PM20D1: variants seen among roughly 807,000 people sequenced by gnomAD.
The protein encoded by PM20D1 is peptidase M20 domain containing 1, also known as N-fatty-acyl-amino acid synthase/hydrolase PM20D1.
Under a neutral mutation model 53.8 loss-of-function variants are expected in PM20D1, and 53 were observed. The ratio of observed to expected loss-of-function variants is 0.98; its 90% CI spans 0.79 to 1.24. The LOEUF is 1.24. PM20D1 is among the 50% of genes most tolerant of loss of function. PM20D1 has a pLI of 0.00. For synonymous variants in PM20D1, 239 were observed against 241.3 expected, an observed-to-expected ratio of 0.99 and a Z score of 0.09; for missense variants, 564 against 616.8, an observed-to-expected ratio of 0.91 and a Z score of 0.91.
rs762592892 is a variant in PM20D1, at chr1:205,844,134, G to GC, written c.659dup (p.Phe221LeufsTer5). On this transcript the variant is annotated frameshift_variant, in exon 5 of 13. Transcript: ENST00000367136. LOFTEE classifies it high-confidence loss of function. ...TAGGAATGAAATCATCCAAGATGAA[G>GC]CCCCCCTCGTCCACAATGAAGGCTA... The GC allele has an allele frequency of 1.2e-5, 20 of 1,613,822 alleles. No individual in the cohort carries two copies. The highest frequency in any genetic ancestry group is 2.2e-5 in the East Asian group (1 of 44,882).
chr1:205,835,267 G>A (rs1656658206), intron 10 of PM20D1, among the ~76,000 whole-genome samples: 1 of 152,172 alleles, frequency 6.6e-6, no homozygotes, highest in South Asian at 2.1e-4. Context: ...CAAAAATTGA[G>A]ATGTGACAAC....
chr1:205,844,693 T>G, intron 4 of PM20D1, 118 bp downstream of exon 4: 1 of 855,532 alleles, frequency 1.2e-6, no homozygotes, highest in Non-Finnish European at 1.8e-6. Context: ...ACGGAGAAGT[T>G]GGCAAACTAC....
intron 1 of PM20D1, among the ~76,000 whole-genome samples, chr1:205,848,388 G>T (rs1410236420): frequency 6.6e-6 from 1 of 152,194 alleles, no homozygotes; most frequent in Non-Finnish European, 1.5e-5. Flanking sequence ...GGCACCCACT[G>T]TCCTGGGTCC....
intron 12 of PM20D1, among the ~76,000 whole-genome samples, chr1:205,829,404 G>T (rs823083): frequency 6.6e-6 from 1 of 151,792 alleles, no homozygotes; most frequent in Non-Finnish European, 1.5e-5. Context: ...GTCTCCTACT[G>T]TCCCACTTAC....
At chr1:205,831,854 G>A (rs973627673) in intron 11 of PM20D1, among the ~76,000 whole-genome samples, 4 of 152,234 alleles carry the variant, frequency 2.6e-5, no homozygotes, top group Admixed American at 2.0e-4. Context: ...GAGCCACCGT[G>A]CCCGGCTGAG....
chr1:205,845,673 T>G, intron 2 of PM20D1, 116 bp from the exon 3 acceptor site: 2 of 814,392 alleles, frequency 2.5e-6, no homozygotes, highest in Admixed American at 5.5e-5. Context: ...TGCATCCTCC[T>G]TTAGGAAGCC....
intron 2 of PM20D1, among the ~76,000 whole-genome samples, chr1:205,845,936 A>G (rs1242479394): frequency 2.0e-5 from 3 of 151,934 alleles, no homozygotes; most frequent in Non-Finnish European, 4.4e-5. Flanking sequence ...TACAAAAATC[A>G]GTGAGGTGTG....
chr1:205,838,648 A>G (rs545975360), intron 10 of PM20D1, among the ~76,000 whole-genome samples: 2 of 152,124 alleles, frequency 1.3e-5, no homozygotes, highest in African/African-American at 4.8e-5. Context: ...ACTCCAGCCT[A>G]TATCTCTAGT....
rs572947503 is a variant in PM20D1, at chr1:205,839,893, A to G, written c.1116+359T>C. Among the ~76,000 whole-genome samples the G allele has an allele frequency of 5.2e-5, 7 of 135,512 alleles. No individual in the cohort carries two copies. The East Asian group carries it at 1.3e-3, about 25-fold the overall frequency. 88.9% of individuals were successfully genotyped at this position (135,512 alleles called of 152,430 possible). ...GCCACTGCACTCCAGCCTGGGCGAC[A>G]GAGCAAGACTCTGACTCAAAAAAAA... On this transcript the variant is annotated intron_variant, in intron 10 of 12. Coordinates refer to ENST00000367136, the MANE Select transcript of PM20D1 (RefSeq NM_152491.5).
At position 205,843,695 on chromosome 1, in the gene PM20D1, T is replaced by C. The variant is rs1656871082; in HGVS notation, c.799A>G (p.Ile267Val). 1 of 1,614,034 alleles carries C rather than the reference T, an allele frequency of 6.2e-7. No individual in the cohort carries two copies. Among genetic ancestry groups the C allele is most frequent in the Admixed American group, 1.7e-5 (1 of 60,008 alleles). The change falls in exon 6 of 13, where the codon ATT (isoleucine) becomes GTT (valine). Residue 267 changes from isoleucine to valine, a missense_variant. Physicochemically the swap from Ile to Val is conservative, Grantham distance 29. Transcript: ENST00000367136. ...CTGACAGCAGCTGCAAGGATGCCAA[T>C]GCTTGTCTCCTTTGGAGGAGCTGAA... ...HSSAPPKETSIGILAAAVSRL... is the reference protein window; with the variant it reads ...HSSAPPKETSVGILAAAVSRL...
chr1:205,850,131 C>T lies in PM20D1; in HGVS notation c.-59G>A, dbSNP rs1657103196. ...GGTAGTTCTGACCTAAACGCCCAGA[C>T]TAGCGTTTCTTGGCCCTAGCTCTGC... On this transcript the variant is annotated 5_prime_UTR_variant, in exon 1 of 13. Transcript: ENST00000367136. 2 of 1,548,554 alleles carry T rather than the reference C, an allele frequency of 1.3e-6. No individual in the cohort carries two copies. The highest frequency in any genetic ancestry group is 1.8e-6 in the Non-Finnish European group (2 of 1,141,606).
At chr1:205,835,221 G>A (rs916453062) in intron 10 of PM20D1, among the ~76,000 whole-genome samples, 1 of 152,144 alleles carries the variant, frequency 6.6e-6, no homozygotes, top group Non-Finnish European at 1.5e-5. Context: ...ACAGAGACAA[G>A]GTAACAGATC....
chr1:205,846,521 G>A (rs1330630534), intron 2 of PM20D1, among the ~76,000 whole-genome samples: 3 of 152,246 alleles, frequency 2.0e-5, no homozygotes, highest in South Asian at 2.1e-4. Flanking sequence ...ATAGGAGGCC[G>A]CATTAACCAA....
intron 10 of PM20D1, among the ~76,000 whole-genome samples, chr1:205,833,124 C>A (rs987933381): frequency 6.6e-6 from 1 of 152,224 alleles, no homozygotes; most frequent in Non-Finnish European, 1.5e-5. Context: ...CACTACAGAG[C>A]AATGCCTGGG....
At chr1:205,844,703 C>T (rs1656905244) in intron 4 of PM20D1, 108 bp downstream of exon 4, 1 of 960,718 alleles carries the variant, frequency 1.0e-6, no homozygotes, top group Non-Finnish European at 1.6e-6. Flanking sequence ...TGGCAAACTA[C>T]CGTATCATGG....
rs761290914 is a variant in PM20D1 at position 205,844,123 on chromosome 1, T to G, written c.671A>C (p.Asp224Ala). 1 of 1,613,770 alleles carries G rather than the reference T, an allele frequency of 6.2e-7. No individual in the cohort carries two copies. Among genetic ancestry groups the G allele is most frequent in the East Asian group, 2.2e-5 (1 of 44,870 alleles). ...FIVDEGGFILDDFIPNFKKPI... is the reference protein window; with the variant it reads ...FIVDEGGFILADFIPNFKKPI... Reference sequence around the variant, plus strand: ...CTTCTTGAAGTTAGGAATGAAATCATCCAAGATGAAGCCCCCCTCGTCCAC... The same window carrying G: ...CTTCTTGAAGTTAGGAATGAAATCAGCCAAGATGAAGCCCCCCTCGTCCAC... The change falls in exon 5 of 13, where the codon GAT becomes GCT. Residue 224 changes from aspartate to alanine, a missense_variant. Coordinates refer to ENST00000367136, the MANE Select transcript of PM20D1 (RefSeq NM_152491.5).
chr1:205,845,418 A>G lies in PM20D1; in HGVS notation c.396T>C (p.Pro132=). 1.9e-6 allele frequency: 3 copies of G among 1,614,210 alleles called. No homozygotes were observed. The highest frequency in any genetic ancestry group is 2.5e-6 in the Non-Finnish European group (3 of 1,180,040). The change falls in exon 3 of 13, where the codon CCT becomes CCC. Residue 132 remains proline (P), a synonymous_variant. Transcript: ENST00000367136. Reference sequence around the variant, plus strand: ...ATGGGGGCACCTCCCAGCCTTCTTCAGGGGCAGGCACCACATCAAAGTGAG... The same window carrying G: ...ATGGGGGCACCTCCCAGCCTTCTTCGGGGGCAGGCACCACATCAAAGTGAG... ...LMAHFDVVPA[P]EEGWEVPPFS... is the part of the protein sequence containing the mutation.
chr1:205,844,311 T>C, intron 4 of PM20D1, 94 bp from the exon 5 acceptor site: 1 of 1,376,610 alleles, frequency 7.3e-7, no homozygotes, highest in Non-Finnish European at 9.6e-7. Context: ...AGCTAGGGGC[T>C]CCAGAACCTT....
At position 205,828,179 on chromosome 1, in the gene PM20D1, G is replaced by A. The variant is rs749743651; in HGVS notation, c.*441C>T. 93 of 158,948 alleles carry A rather than the reference G, an allele frequency of 5.9e-4. No individual in the cohort carries two copies. The highest frequency in any genetic ancestry group is 6.9e-4 in the Non-Finnish European group (50 of 72,548). The allele number at this position is 158,948 out of a possible 1,614,324, so 9.8% of individuals were successfully genotyped here. ...ATGAAGAGACAGCTCATGAGTCCAA[G>A]AAGAGAGGGGAATAAAAGGGGGAAG... On this transcript the variant is annotated 3_prime_UTR_variant, in exon 13 of 13. Transcript: ENST00000367136.
Sources: allele counts gnomAD v4.1 joint callset (sites outside exome capture counted in the v4.1 genomes callset), GRCh38; gene constraint gnomAD v4.1.1; transcripts MANE v1.5; gene names NCBI Gene and HGNC (gene_info 2026-07-23, HGNC 2026-07-21).